MDGA2: variants seen among roughly 807,000 people sequenced by gnomAD.
MDGA2 encodes MAM domain-containing glycosylphosphatidylinositol anchor protein 2.
A neutral mutation model predicts 117.8 loss-of-function variants in MDGA2; 40 were observed. The ratio of observed to expected loss-of-function variants is 0.34; its 90% CI spans 0.26 to 0.44. The LOEUF (loss-of-function observed/expected upper bound fraction) is 0.44. MDGA2 is among the 20% of genes least tolerant of loss of function. The pLI is 1.00. For synonymous variants in MDGA2, 452 were observed against 439.0 expected (o/e 1.03, Z -0.37); for missense variants, 1,123 against 1,250.6 (o/e 0.90, Z 1.54).
intron 1 of MDGA2, among the ~76,000 whole-genome samples, chr14:47,655,025 T>C (rs570424684): frequency 6.6e-6 from 1 of 152,120 alleles, no homozygotes; most frequent in African/African-American, 2.4e-5. Flanking sequence ...AGACAAAATG[T>C]AAGATATCAG....
intron 3 of MDGA2, among the ~76,000 whole-genome samples, chr14:47,187,931 G>A (rs1046034923): frequency 6.6e-6 from 1 of 152,024 alleles, no homozygotes; most frequent in African/African-American, 2.4e-5. Flanking sequence ...GTGTGTGTGT[G>A]TGTGTGTGTC....
intron 8 of MDGA2, among the ~76,000 whole-genome samples, chr14:46,961,283 C>A (rs907270008): frequency 9.2e-5 from 14 of 152,106 alleles, no homozygotes; most frequent in Non-Finnish European, 1.9e-4. Flanking sequence ...AAATTCTCAT[C>A]ATTAGCTGTT....
intron 6 of MDGA2, 85 bp downstream of exon 6, chr14:47,096,769 G>A: frequency 7.8e-7 from 1 of 1,281,310 alleles, no homozygotes; most frequent in Non-Finnish European, 1.1e-6. Context: ...CAATATTTGA[G>A]GAGGTAATTT....
chr14:46,914,014 A>G (rs1027752379), intron 10 of MDGA2, among the ~76,000 whole-genome samples: 2 of 152,172 alleles, frequency 1.3e-5, no homozygotes, highest in African/African-American at 4.8e-5. Flanking sequence ...CTTTCCAAAG[A>G]TACAGTCAAA....
intron 1 of MDGA2, among the ~76,000 whole-genome samples, chr14:47,616,816 T>C (rs928207307): frequency 6.6e-6 from 1 of 152,196 alleles, no homozygotes; most frequent in South Asian, 2.1e-4. Context: ...AAATATGACA[T>C]GAATCAGTTA....
chr14:47,603,841 C>T (rs1014287672), intron 1 of MDGA2, among the ~76,000 whole-genome samples: 15 of 152,264 alleles, frequency 9.9e-5, no homozygotes, highest in South Asian at 2.1e-4. Context: ...CCCTTGGTAA[C>T]GAGTGCTTTC....
chr14:47,351,405 T>A (rs969978779), intron 1 of MDGA2, among the ~76,000 whole-genome samples: 1 of 152,138 alleles, frequency 6.6e-6, no homozygotes, highest in Non-Finnish European at 1.5e-5. Context: ...AATTTCATGA[T>A]GGGCACCAAA....
At chr14:47,255,845 G>A (rs61418656) in intron 2 of MDGA2, among the ~76,000 whole-genome samples, 1 of 151,972 alleles carries the variant, frequency 6.6e-6, no homozygotes, top group African/African-American at 2.4e-5. Flanking sequence ...TGCTTGTCTG[G>A]TAAATGAGAT....
intron 1 of MDGA2, among the ~76,000 whole-genome samples, chr14:47,490,435 C>T (rs1489452276): frequency 6.6e-6 from 1 of 151,956 alleles, no homozygotes; most frequent in Non-Finnish European, 1.5e-5. Context: ...GAAAATAAGC[C>T]GCTGTTCAAT....
At chr14:46,877,576 TA>T in intron 11 of MDGA2, 67 bp from the exon 12 acceptor site, 1 of 1,156,166 alleles carries the variant, frequency 8.6e-7, no homozygotes, top group East Asian at 2.5e-5. Flanking sequence ...ATGTCTTTTA[TA>T]AATAAAAGTC....
intron 1 of MDGA2, among the ~76,000 whole-genome samples, chr14:47,525,832 G>C (rs539101479): frequency 1.3e-5 from 2 of 149,798 alleles, no homozygotes; most frequent in African/African-American, 4.9e-5. Flanking sequence ...TACAGACTTT[G>C]GATTTGTGGC....
chr14:47,014,038 G>T (rs928616086), intron 8 of MDGA2, among the ~76,000 whole-genome samples: 1 of 151,610 alleles, frequency 6.6e-6, no homozygotes, highest in Non-Finnish European at 1.5e-5. Flanking sequence ...CAGGTGATCT[G>T]CCCACCTTGT....
intron 1 of MDGA2, among the ~76,000 whole-genome samples, chr14:47,650,941 G>C (rs1030205077): frequency 6.6e-6 from 1 of 152,020 alleles, no homozygotes; most frequent in Non-Finnish European, 1.5e-5. Context: ...ACCAAAAATT[G>C]GGTAAATAAT....
At chr14:46,960,889 C>T (rs1885776847) in intron 8 of MDGA2, among the ~76,000 whole-genome samples, 1 of 145,952 alleles carries the variant, frequency 6.9e-6, no homozygotes, top group Non-Finnish European at 1.5e-5. Flanking sequence ...TTTATATATA[C>T]ATATATGTAT....
At chr14:47,589,638 A>C (rs578229913) in intron 1 of MDGA2, among the ~76,000 whole-genome samples, 1 of 152,018 alleles carries the variant, frequency 6.6e-6, no homozygotes, top group East Asian at 1.9e-4. Flanking sequence ...ACACTGTTTT[A>C]GGTATTCTGG....
intron 8 of MDGA2, among the ~76,000 whole-genome samples, chr14:46,985,457 G>A (rs568259436): frequency 3.2e-4 from 49 of 152,096 alleles, no homozygotes; most frequent in African/African-American, 1.0e-3. Context: ...TATGTCCCAT[G>A]GGATGCTGAA....
intron 9 of MDGA2, among the ~76,000 whole-genome samples, chr14:46,936,940 C>A (rs565403691): frequency 3.9e-5 from 6 of 151,904 alleles, no homozygotes; most frequent in African/African-American, 1.2e-4. Context: ...GATGTCCTAG[C>A]CAGAGCAATT....
intron 1 of MDGA2, among the ~76,000 whole-genome samples, chr14:47,623,814 C>T (rs745529163): frequency 5.3e-5 from 8 of 152,162 alleles, no homozygotes; most frequent in Non-Finnish European, 1.2e-4. Flanking sequence ...ATGTGTGCCA[C>T]TTAAACAATC....
At chr14:47,482,624 A>G (rs1893977485) in intron 1 of MDGA2, among the ~76,000 whole-genome samples, 1 of 152,036 alleles carries the variant, frequency 6.6e-6, no homozygotes, top group Admixed American at 6.6e-5. Context: ...CTACAAGGAA[A>G]CCTGTGTCAA....
Sources: allele counts gnomAD v4.1 joint callset (sites outside exome capture counted in the v4.1 genomes callset), GRCh38; gene constraint gnomAD v4.1.1; transcripts MANE v1.5; gene names NCBI Gene and HGNC (gene_info 2026-07-23, HGNC 2026-07-21).